EPHA6: variants seen among roughly 807,000 people sequenced by gnomAD.
The protein encoded by EPHA6 is ephrin type-A receptor 6.
EPHA6 carries 50 observed loss-of-function variants against 112.0 expected under a neutral mutation model. The ratio of observed to expected loss-of-function variants is 0.45; its 90% CI spans 0.36 to 0.56. The LOEUF (loss-of-function observed/expected upper bound fraction) is 0.56. Ranked by LOEUF, EPHA6 falls within the 20% of genes least tolerant of loss-of-function variation. The pLI is 0.00. For missense variants in EPHA6, 1,280 were observed against 1,417.4 expected (o/e 0.90, Z 1.56); for synonymous variants, 529 against 490.7 (o/e 1.08, Z -1.03).
chr3:97,640,359 G>C (rs935580137), intron 14 of EPHA6, among the ~76,000 whole-genome samples: 1 of 152,172 alleles, frequency 6.6e-6, no homozygotes, highest in African/African-American at 2.4e-5. Flanking sequence ...TGGAATAAAT[G>C]TAAAGGTACC....
intron 2 of EPHA6, among the ~76,000 whole-genome samples, chr3:96,881,649 C>T (rs1283968638): frequency 6.6e-6 from 1 of 152,142 alleles, no homozygotes; most frequent in Non-Finnish European, 1.5e-5. Context: ...TCATGCCTTC[C>T]CAAAAGTCTT....
rs192300746 is a variant in EPHA6, at chr3:97,169,601, A to G, written c.1115-56663A>G. ...GGCTCATTTTCTGATATGTCTTCCC[A>G]TTTCATTTGCAGATGAAAAGAATTA... On this transcript the variant is annotated intron_variant, in intron 3 of 17. Coordinates refer to ENST00000389672, the MANE Select transcript of EPHA6 (RefSeq NM_001080448.3). Among the ~76,000 whole-genome samples, 134 of 152,216 alleles carry G rather than the reference A, an allele frequency of 8.8e-4. 1 individual carries two copies. Among genetic ancestry groups the G allele is most frequent in the African/African-American group, 3.0e-3 (123 of 41,544 alleles).
At chr3:97,680,608 T>A (rs2031786534) in intron 14 of EPHA6, among the ~76,000 whole-genome samples, 1 of 152,190 alleles carries the variant, frequency 6.6e-6, no homozygotes, top group South Asian at 2.1e-4. Flanking sequence ...GACATAAAAA[T>A]GGCAAGACAT....
At chr3:97,389,672 A>G (rs2086287491) in intron 5 of EPHA6, among the ~76,000 whole-genome samples, 1 of 152,194 alleles carries the variant, frequency 6.6e-6, no homozygotes. Flanking sequence ...ATGAAAGATT[A>G]TATAGCACAA....
intron 3 of EPHA6, among the ~76,000 whole-genome samples, chr3:97,092,383 G>A (rs1048737482): frequency 6.6e-6 from 1 of 152,114 alleles, no homozygotes; most frequent in East Asian, 1.9e-4. Context: ...AGTCCTGTCA[G>A]TGTATGGATA....
intron 7 of EPHA6, 122 bp downstream of exon 7, chr3:97,448,852 G>A: frequency 1.2e-6 from 1 of 843,644 alleles, no homozygotes; most frequent in Non-Finnish European, 1.9e-6. Flanking sequence ...TTTTGTTCAT[G>A]TAAATACTCA....
chr3:97,236,029 C>A (rs2078668875), intron 4 of EPHA6, among the ~76,000 whole-genome samples: 1 of 151,628 alleles, frequency 6.6e-6, no homozygotes, highest in African/African-American at 2.4e-5. Context: ...ATTTCATATC[C>A]TCTTAACTTT....
chr3:97,226,540 T>C (rs1403972123), intron 4 of EPHA6, 121 bp downstream of exon 4: 2 of 918,644 alleles, frequency 2.2e-6, no homozygotes, highest in Non-Finnish European at 3.2e-6. Context: ...TTGTCTGTGA[T>C]AACAGTCAAG....
In EPHA6 at chr3:97,459,482, A is replaced by C. The variant is rs147570142; in HGVS notation, c.1894+10752A>C. On this transcript the variant is annotated intron_variant, in intron 7 of 17. Transcript: ENST00000389672. ...ATGGTGGGGATGATGATCTCAGTAC[A>C]AGAAACACAAGATATGTGGCTAGTG... Among the ~76,000 whole-genome samples the C allele has an allele frequency of 6.2e-3, 941 of 152,278 alleles. 12 individuals carry two copies. The highest frequency in any genetic ancestry group is 0.021 in the African/African-American group (867 of 41,552).
intron 2 of EPHA6, among the ~76,000 whole-genome samples, chr3:96,909,579 A>G (rs1428680859): frequency 6.6e-6 from 1 of 151,974 alleles, no homozygotes; most frequent in African/African-American, 2.4e-5. Flanking sequence ...TTTATACTTT[A>G]CCTTTTTCCA....
chr3:97,537,625 C>T (rs147860833), intron 11 of EPHA6, among the ~76,000 whole-genome samples: 19 of 152,258 alleles, frequency 1.2e-4, no homozygotes, highest in Non-Finnish European at 2.2e-4. Flanking sequence ...GTCACCCAGG[C>T]TGGAGTGCAG....
At chr3:96,815,237 G>A (rs1156360749) in intron 1 of EPHA6, among the ~76,000 whole-genome samples, 1 of 152,146 alleles carries the variant, frequency 6.6e-6, no homozygotes, top group East Asian at 1.9e-4. Flanking sequence ...TTAAACGGTA[G>A]CGTGAGCATC....
chr3:97,338,972 A>T (rs913204555), intron 5 of EPHA6, among the ~76,000 whole-genome samples: 1 of 152,170 alleles, frequency 6.6e-6, no homozygotes, highest in East Asian at 1.9e-4. Flanking sequence ...CTCTACTACT[A>T]TATTGGCTCA....
chr3:97,273,836 G>T (rs959551571), intron 5 of EPHA6, among the ~76,000 whole-genome samples: 1 of 152,180 alleles, frequency 6.6e-6, no homozygotes, highest in Non-Finnish European at 1.5e-5. Context: ...GGCCTTCTCA[G>T]ACCCTGTAGG....
At chr3:97,005,141 A>G (rs938780773) in intron 3 of EPHA6, among the ~76,000 whole-genome samples, 6 of 151,978 alleles carry the variant, frequency 3.9e-5, no homozygotes, top group African/African-American at 1.2e-4. Context: ...TTTTTTTTCT[A>G]ATTTTGTGAA....
chr3:97,070,565 C>A (rs1189175197), intron 3 of EPHA6, among the ~76,000 whole-genome samples: 1 of 152,078 alleles, frequency 6.6e-6, no homozygotes, highest in Non-Finnish European at 1.5e-5. Context: ...TCATTATACT[C>A]AGTAATGATT....
chr3:96,959,652 C>G (rs887375237), intron 2 of EPHA6, among the ~76,000 whole-genome samples: 3 of 151,758 alleles, frequency 2.0e-5, no homozygotes, highest in Admixed American at 6.6e-5. Flanking sequence ...GTCTATGAAC[C>G]ATTTTTCATT....
chr3:97,032,888 G>T (rs756648019), intron 3 of EPHA6, among the ~76,000 whole-genome samples: 84 of 151,894 alleles, frequency 5.5e-4, no homozygotes, highest in Non-Finnish European at 2.5e-4. Context: ...CTGAAGTAAA[G>T]TATATGTCAT....
intron 3 of EPHA6, among the ~76,000 whole-genome samples, chr3:97,013,174 T>C (rs1354204806): frequency 2.0e-5 from 3 of 152,124 alleles, no homozygotes; most frequent in Non-Finnish European, 2.9e-5. Flanking sequence ...CTTTCTCAAG[T>C]CCAGTATTCA....
Sources: gnomAD v4.1 joint callset for allele counts (sites outside exome capture counted in the v4.1 genomes callset) on GRCh38, gnomAD v4.1.1 for gene constraint, MANE v1.5 for transcripts, NCBI Gene and HGNC (gene_info 2026-07-23, HGNC 2026-07-21) for gene names.